THAP6: variants seen among roughly 807,000 people sequenced by gnomAD.
THAP6 encodes the protein THAP domain containing 6.
Under a neutral mutation model 20.0 loss-of-function variants are expected in THAP6, and 13 were observed. The observed-to-expected ratio is 0.65, with a 90% CI of 0.42 to 1.03. The LOEUF (loss-of-function observed/expected upper bound fraction) is 1.03. Among genes scored for constraint, THAP6 ranks in the 50% least tolerant of loss-of-function variants. The probability of loss-of-function intolerance (pLI) is 0.00; values close to 1 mark genes in which losing one functional copy is unlikely to be tolerated. For synonymous variants in THAP6, 93 were observed against 92.2 expected, an observed-to-expected ratio of 1.01 and a Z score of -0.05; for missense variants, 262 against 261.6, an observed-to-expected ratio of 1.00 and a Z score of -0.01.
At chr4:75,546,038 C>T (rs1326141527) in intron 3 of THAP6, among the ~76,000 whole-genome samples, 3 of 152,180 alleles carry the variant, frequency 2.0e-5, no homozygotes, top group Non-Finnish European at 4.4e-5. Flanking sequence ...CCTTCTCAGG[C>T]TGCTAGCTTC....
At position 75,516,631 on chromosome 4, in the gene THAP6, A is replaced by G. The variant is rs1725663250; in HGVS notation, c.81-141A>G. ...ACGGAAAGTAACAAAAGCATGAATT[A>G]TGGTTTCCTAAATATTATAATTCTC... is the stretch of plus-strand genomic sequence containing the variant. On this transcript the variant is annotated intron_variant, in intron 2 of 4. Transcript: ENST00000311638. 7 of 700,572 alleles carry G rather than the reference A, an allele frequency of 1.0e-5. No homozygotes were observed. The Admixed American group carries it at 2.2e-4, about 22-fold the overall frequency. 43.4% of individuals were successfully genotyped at this position (700,572 alleles called of 1,614,324 possible). A position where few individuals can be genotyped will look rare whatever the true frequency, so the allele number is the denominator to read the frequency against.
chr4:75,539,831 T>G (rs973374927), intron 2 of THAP6: 1 of 1,535,878 alleles, frequency 6.5e-7, no homozygotes, highest in African/African-American at 1.4e-5. Flanking sequence ...CTGTTTTTCT[T>G]TCTTCTTTAA....
upstream of THAP6, chr4:75,514,338 A>G: frequency 6.4e-7 from 1 of 1,570,128 alleles, no homozygotes. Context: ...GATAAAAACC[A>G]CGCCCAGAGA....
At chr4:75,543,831 G>T (rs144093884) in intron 3 of THAP6, among the ~76,000 whole-genome samples, 3 of 152,172 alleles carry the variant, frequency 2.0e-5, no homozygotes, top group African/African-American at 7.2e-5. Flanking sequence ...TTAGTAAATC[G>T]CTTCGTGTAC....
At position 75,538,632 on chromosome 4, in the gene THAP6, A is replaced by G. The variant is rs138449310; in HGVS notation, c.166-3777A>G. ...CCTGAGCCATTGATGCCTCTTGTTG[A>G]CTACCCTCTTCATAGGTCTCATTAT... On this transcript the variant is annotated intron_variant, in intron 2 of 4. Transcript: ENST00000502620. Among the ~76,000 whole-genome samples, 399 of 152,282 alleles carry G rather than the reference A, an allele frequency of 2.6e-3. 1 individual carries two copies. The highest frequency in any genetic ancestry group is 0.01 in the Admixed American group (153 of 15,286).
rs527982498 is a variant in THAP6 at position 75,517,154 on chromosome 4, A to G, written c.288+175A>G. On this transcript the variant is annotated intron_variant, in intron 3 of 4. Coordinates refer to ENST00000311638, the MANE Select transcript of THAP6 (RefSeq NM_144721.6). ...TGCCTCAGCCTCCCGAGAAGCTGGG[A>G]TTACAGGCACCTGCCACCACACCTG... 4 of 530,752 alleles carry G rather than the reference A, an allele frequency of 7.5e-6. No homozygotes were observed. In the East Asian group the frequency reaches 1.2e-4, roughly 16 times the overall value. 32.9% of individuals were successfully genotyped at this position (530,752 alleles called of 1,614,324 possible).
rs778276075 is a variant in THAP6 at position 75,528,422 on chromosome 4, C to T, written c.*1208C>T. The T allele has an allele frequency of 1.8e-4, 181 of 985,126 alleles. No homozygotes were observed. The highest frequency in any genetic ancestry group is 1.5e-3 in the Middle Eastern group (3 of 1,936). 61.0% of individuals were successfully genotyped at this position (985,126 alleles called of 1,614,324 possible). On this transcript the variant is annotated 3_prime_UTR_variant, in exon 5 of 5. Coordinates refer to ENST00000311638, the MANE Select transcript of THAP6 (RefSeq NM_144721.6). ...AACACTCTACTTAGAAGCACATGTACATACATGGACCTCATTCAGAAGTCC... is the reference window on the plus strand; with the variant it reads ...AACACTCTACTTAGAAGCACATGTATATACATGGACCTCATTCAGAAGTCC...
In THAP6 at chr4:75,526,383, A is replaced by G. The variant is rs181422583; in HGVS notation, c.415-577A>G. Among the ~76,000 whole-genome samples the G allele has an allele frequency of 8.5e-5, 13 of 152,316 alleles. No individual in the cohort carries two copies. In the East Asian group the frequency reaches 1.7e-3, roughly 20 times the overall value. On this transcript the variant is annotated intron_variant, in intron 4 of 4. Coordinates refer to ENST00000311638, the MANE Select transcript of THAP6 (RefSeq NM_144721.6). ...TTATTTTATAGTACCTTTATAAGCT[A>G]TGTCAGTGTTATTTTCCCTATTCTC... is the stretch of plus-strand genomic sequence containing the variant.
intron 1 of THAP6, 93 bp from the exon 2 acceptor site, chr4:75,515,340 C>A: frequency 1.7e-6 from 2 of 1,182,106 alleles, no homozygotes; most frequent in East Asian, 2.4e-5. Context: ...AGCTTTCTAT[C>A]CTGATTTTGT....
chr4:75,543,210 A>G (rs772088978), intron 3 of THAP6, among the ~76,000 whole-genome samples: 2 of 152,238 alleles, frequency 1.3e-5, no homozygotes, highest in Admixed American at 1.3e-4. Context: ...ATAATCAAAT[A>G]CAAGAGCATA....
chr4:75,527,589 G>A lies in THAP6; in HGVS notation c.*375G>A. The A allele has an allele frequency of 9.8e-7, 1 of 1,024,696 alleles. No individual in the cohort carries two copies. Among genetic ancestry groups the A allele is most frequent in the Non-Finnish European group, 1.2e-6 (1 of 853,310 alleles). The allele number at this position is 1,024,696 out of a possible 1,614,324, so 63.5% of individuals were successfully genotyped here. On this transcript the variant is annotated 3_prime_UTR_variant, in exon 5 of 5. Transcript: ENST00000311638. ...TTCAAAGGAGTACCTTTACTTACAT[G>A]TGCTTTATGGTAAGTACATTGAATT... is the stretch of plus-strand genomic sequence containing the variant.
Position 75,528,668 on chromosome 4 carries a change from C to T in THAP6, c.*1454C>T. On this transcript the variant is annotated 3_prime_UTR_variant, in exon 5 of 5. Coordinates refer to ENST00000311638, the MANE Select transcript of THAP6 (RefSeq NM_144721.6). ...CCTTCCCTCTAAATGGGATTTAACC[C>T]ACATCTGCGAGATCAGCGTTATGCT... 1.0e-6 allele frequency: 1 copy of T among 984,730 alleles called. No homozygotes were observed. Among genetic ancestry groups the T allele is most frequent in the Non-Finnish European group, 1.2e-6 (1 of 829,792 alleles). The allele number at this position is 984,730 out of a possible 1,614,324, so 61.0% of individuals were successfully genotyped here.
chr4:75,524,506 A>G (rs1726242994), intron 4 of THAP6, among the ~76,000 whole-genome samples: 1 of 152,122 alleles, frequency 6.6e-6, no homozygotes, highest in Non-Finnish European at 1.5e-5. Flanking sequence ...GAATTCTTTC[A>G]GTATTTCTGT....
rs767511651 is a variant in THAP6 at position 75,529,737 on chromosome 4, T to C, written c.*2523T>C. ...TCCACTTTGCTTTAAAAGCTAGGAGTGGCCTCTAGAGCCAGGAACACATTA... is the reference window on the plus strand; with the variant it reads ...TCCACTTTGCTTTAAAAGCTAGGAGCGGCCTCTAGAGCCAGGAACACATTA... On this transcript the variant is annotated 3_prime_UTR_variant, in exon 5 of 5. Transcript: ENST00000311638. 1.0e-6 allele frequency: 1 copy of C among 985,162 alleles called. No homozygotes were observed. Among genetic ancestry groups the C allele is most frequent in the East Asian group, 1.1e-4 (1 of 8,808 alleles). The allele number at this position is 985,162 out of a possible 1,614,324, so 61.0% of individuals were successfully genotyped here. A position where few individuals can be genotyped will look rare whatever the true frequency, so the allele number is the denominator to read the frequency against.
chr4:75,527,131 A>G lies in THAP6; in HGVS notation c.586A>G (p.Ile196Val), dbSNP rs928080935. 1 of 1,614,048 alleles carries G rather than the reference A, an allele frequency of 6.2e-7. No homozygotes were observed. The highest frequency in any genetic ancestry group is 1.3e-5 in the African/African-American group (1 of 74,936). ...CAGGGAATTAAAGGATGAATGTCTG[A>G]TCAGCCAAGAAACAGCAAATAGACT... ...TIRELKDECL[I>V]SQETANRLDT... The change falls in exon 5 of 5, where the codon ATC (isoleucine) becomes GTC (valine). Residue 196 changes from isoleucine (I) to valine (V), a missense_variant. Transcript: ENST00000311638.
rs897725616 is a variant in THAP6, at chr4:75,527,427, T to C, written c.*213T>C. On this transcript the variant is annotated 3_prime_UTR_variant, in exon 5 of 5. Transcript: ENST00000311638. ...TGTGTCTTGTGACAATTATGTTTTA[T>C]AGACCTACACTAGTGCCAGGTCACT... The C allele has an allele frequency of 1.5e-5, 20 of 1,358,132 alleles. No individual in the cohort carries two copies. The South Asian group carries it at 1.6e-4, about 11-fold the overall frequency. 84.1% of individuals were successfully genotyped at this position (1,358,132 alleles called of 1,614,324 possible). A position where few individuals can be genotyped will look rare whatever the true frequency, so the allele number is the denominator to read the frequency against.
chr4:75,522,003 T>C (rs1399442155), intron 4 of THAP6, 142 bp downstream of exon 4: 4 of 1,005,614 alleles, frequency 4.0e-6, no homozygotes, highest in Non-Finnish European at 2.8e-6. Flanking sequence ...CCTAGAGTCA[T>C]TGTAATTTAT....
At chr4:75,517,973 CAA>C (rs1300339341) in intron 3 of THAP6, among the ~76,000 whole-genome samples, 3 of 152,176 alleles carry the variant, frequency 2.0e-5, no homozygotes, top group African/African-American at 7.2e-5. Flanking sequence ...CAACTAAAAA[CAA>C]GAGAAGTAGC....
chr4:75,537,556 G>A (rs748967657), intron 2 of THAP6, among the ~76,000 whole-genome samples: 4 of 151,984 alleles, frequency 2.6e-5, no homozygotes, highest in East Asian at 1.9e-4. Context: ...GGCCTCCCCC[G>A]CCACGTGGAA....
Sources: allele counts gnomAD v4.1 joint callset (sites outside exome capture counted in the v4.1 genomes callset), GRCh38; gene constraint gnomAD v4.1.1; transcripts MANE v1.5; gene names NCBI Gene and HGNC (gene_info 2026-07-23, HGNC 2026-07-21).